The following TBC1D9B variants were observed in gnomAD, a reference collection of about 807,000 sequenced individuals.
The protein encoded by TBC1D9B is TBC1 domain family, member 9B (with GRAM domain).
In TBC1D9B, 87 loss-of-function variants were observed where a neutral mutation model predicts 121.1. The ratio of observed to expected loss-of-function variants is 0.72; its 90% CI spans 0.60 to 0.86. The LOEUF is 0.86. TBC1D9B is among the 40% of genes least tolerant of loss of function. The pLI is 0.00. For synonymous variants in TBC1D9B, 668 were observed against 670.1 expected (o/e 1.00, Z 0.05); for missense variants, 1,540 against 1,628.6 (o/e 0.95, Z 0.94).
At chr5:179,906,267 C>G (rs545303677) in intron 1 of TBC1D9B, among the ~76,000 whole-genome samples, 27 of 152,288 alleles carry the variant, frequency 1.8e-4, no homozygotes, top group Non-Finnish European at 8.8e-5. Flanking sequence ...CACACCAAAC[C>G]TAGCAGTGGG....
chr5:179,878,694 G>C (rs1255630924), intron 9 of TBC1D9B, among the ~76,000 whole-genome samples, 171 bp from the exon 10 acceptor site: 1 of 152,176 alleles, frequency 6.6e-6, no homozygotes, highest in African/African-American at 2.4e-5. Context: ...TGCTCTACCC[G>C]AAAGTTCAAG....
chr5:179,907,717 G>A lies in TBC1D9B; in HGVS notation c.105C>T (p.Gly35=). ...CGCGCCTCTCACCCGTAAGGCCGCC[G>A]CCCCTGCCGTGGCCCCGGCGTCGCT... is the stretch of plus-strand genomic sequence containing the variant. ...VLQRRRGHGR[G]GGLTGLLVGT... is the part of the protein sequence containing the mutation. The change falls in exon 1 of 21, where the codon GGC becomes GGT. Residue 35 remains glycine, a synonymous_variant. Coordinates refer to ENST00000355235, the MANE Select transcript of TBC1D9B (RefSeq NM_015043.4). The surrounding 1 kb of genome is among the most constrained non-coding windows in gnomAD (Gnocchi z 5.3). 6 of 1,172,290 alleles carry A rather than the reference G, an allele frequency of 5.1e-6. No homozygotes were observed. Among genetic ancestry groups the A allele is most frequent in the South Asian group, 3.2e-5 (2 of 62,930 alleles). 72.6% of individuals were successfully genotyped at this position (1,172,290 alleles called of 1,614,324 possible). A position where few individuals can be genotyped will look rare whatever the true frequency, so the allele number is the denominator to read the frequency against.
chr5:179,889,352 G>T lies in TBC1D9B; in HGVS notation c.1045-1040C>A, dbSNP rs1284334093. Among the ~76,000 whole-genome samples the T allele has an allele frequency of 2.6e-5, 4 of 152,254 alleles. No homozygotes were observed. The East Asian group carries it at 7.7e-4, about 29-fold the overall frequency. On this transcript the variant is annotated intron_variant, in intron 6 of 20. Transcript: ENST00000355235. ...CTGAGTGTGCACTTTTTATGTCTGT[G>T]TGTGAACATATCCATGGGGTGTGCC... is the stretch of plus-strand genomic sequence containing the variant.
intron 8 of TBC1D9B, 78 bp downstream of exon 8, chr5:179,879,550 G>C: frequency 1.2e-6 from 2 of 1,607,294 alleles, no homozygotes; most frequent in Non-Finnish European, 1.7e-6. Flanking sequence ...GGAAGGCCCA[G>C]GCCCAGGACT....
intron 10 of TBC1D9B, among the ~76,000 whole-genome samples, chr5:179,878,034 TG>T (rs1162354404): frequency 1.8e-4 from 27 of 152,328 alleles, no homozygotes; most frequent in African/African-American, 5.3e-4. Flanking sequence ...ACAGTGAAGA[TG>T]GGACATTTTA....
chr5:179,873,118 C>G lies in TBC1D9B; in HGVS notation c.2316+1G>C. The G allele has an allele frequency of 6.2e-7, 1 of 1,610,880 alleles. No homozygotes were observed. ...CCAAAATGGCCCCACTGGGTGCTGA[C>G]CTCATAGGACACTTTCAGGAGCTCA... On this transcript the variant is annotated splice_donor_variant, in intron 13 of 20. Transcript: ENST00000355235. LOFTEE classifies it high-confidence loss of function.
chr5:179,891,549 C>G lies in TBC1D9B; in HGVS notation c.874G>C (p.Ala292Pro). 6.2e-7 allele frequency: 1 copy of G among 1,613,814 alleles called. No homozygotes were observed. The highest frequency in any genetic ancestry group is 8.5e-7 in the Non-Finnish European group (1 of 1,179,982). The change falls in exon 6 of 21, where the codon GCC becomes CCC. Residue 292 changes from alanine to proline, a missense_variant. Physicochemically the swap from Ala to Pro is conservative, Grantham distance 27. Coordinates refer to ENST00000355235, the MANE Select transcript of TBC1D9B (RefSeq NM_015043.4). The surrounding 1 kb of genome is among the most constrained non-coding windows in gnomAD (Gnocchi z 4.3). ...TCATCCCTGGGCAGCCGGAACGTGG[C>G]TCGGTAGCACTCATTCTTGGCTCGG... The part of the protein sequence containing the change: ...DARAKNECYR[A>P]TFRLPRDERL...
rs781218303 is a variant in TBC1D9B, at chr5:179,874,884, A to C, written c.2186+18T>G. 3.1e-6 allele frequency: 5 copies of C among 1,609,678 alleles called. No individual in the cohort carries two copies. The African/African-American group carries it at 6.7e-5, about 21-fold the overall frequency. ...TCTGCTGTGAGCCCCCAGCAGGAGA[A>C]GGAACCCGGCATGTCACCTGCCCAG... On this transcript the variant is annotated intron_variant, in intron 12 of 20. Coordinates refer to ENST00000355235, the MANE Select transcript of TBC1D9B (RefSeq NM_015043.4). The surrounding 1 kb of genome is among the most constrained non-coding windows in gnomAD (Gnocchi z 4.3).
rs1454217089 is a variant in TBC1D9B at position 179,874,008 on chromosome 5, C to T, written c.2187-760G>A. Among the ~76,000 whole-genome samples, 2 of 152,204 alleles carry T rather than the reference C, an allele frequency of 1.3e-5. No individual in the cohort carries two copies. ...CCACAGTAGGGAGGTGACAACCCTG[C>T]TGGATCTAGAGAGTCCCAGGCAGCA... On this transcript the variant is annotated intron_variant, in intron 12 of 20. Coordinates refer to ENST00000355235, the MANE Select transcript of TBC1D9B (RefSeq NM_015043.4). This position sits in a 1 kb window ranked among gnomAD's most constrained non-coding sequence, Gnocchi z 4.3.
chr5:179,894,207 C>T (rs183013499), intron 4 of TBC1D9B, among the ~76,000 whole-genome samples, 179 bp downstream of exon 4: 44 of 152,270 alleles, frequency 2.9e-4, no homozygotes, highest in African/African-American at 1.1e-3. Context: ...TGGTAAAAGT[C>T]GGCTGGGAGC....
Position 179,904,695 on chromosome 5 carries a change from C to A in TBC1D9B, c.229+7G>T. On this transcript the variant is annotated splice_region_variant and intron_variant, in intron 2 of 20. Coordinates refer to ENST00000355235, the MANE Select transcript of TBC1D9B (RefSeq NM_015043.4). The surrounding 1 kb of genome is among the most constrained non-coding windows in gnomAD (Gnocchi z 4.2). ...GCCCAGCACCCCTCACCACTCAGGG[C>A]ACCTACCACACGCCACTGTCCAGTA... 2 of 1,559,474 alleles carry A rather than the reference C, an allele frequency of 1.3e-6. No homozygotes were observed. The highest frequency in any genetic ancestry group is 1.4e-5 in the African/African-American group (1 of 73,690).
Position 179,874,765 on chromosome 5 carries a change from A to T in TBC1D9B, c.2186+137T>A, listed in dbSNP as rs1760310459. The T allele has an allele frequency of 7.8e-7, 1 of 1,287,488 alleles. No individual in the cohort carries two copies. Among genetic ancestry groups the T allele is most frequent in the African/African-American group, 1.5e-5 (1 of 67,240 alleles). The allele number at this position is 1,287,488 out of a possible 1,614,324, so 79.8% of individuals were successfully genotyped here. On this transcript the variant is annotated intron_variant, in intron 12 of 20. Coordinates refer to ENST00000355235, the MANE Select transcript of TBC1D9B (RefSeq NM_015043.4). This position sits in a 1 kb window ranked among gnomAD's most constrained non-coding sequence, Gnocchi z 4.3. ...CCCACTAGAAAGGAGCCGCCTCCTGACCCCAGAGCACCCCCGGGTCCAGCT... is the reference window on the plus strand; with the variant it reads ...CCCACTAGAAAGGAGCCGCCTCCTGTCCCCAGAGCACCCCCGGGTCCAGCT...
In TBC1D9B at chr5:179,892,767, G is replaced by A. The variant is rs1198232015; in HGVS notation, c.836+442C>T. On this transcript the variant is annotated intron_variant, in intron 5 of 20. Coordinates refer to ENST00000355235, the MANE Select transcript of TBC1D9B (RefSeq NM_015043.4). ...GGAGAGCTGTCAATCACGGTGGGAC[G>A]GAGGCCGTGCACTTGAGCCCAGATT... Among the ~76,000 whole-genome samples, 7 of 152,192 alleles carry A rather than the reference G, an allele frequency of 4.6e-5. 1 individual carries two copies. Among genetic ancestry groups the A allele is most frequent in the Admixed American group, 6.5e-5 (1 of 15,280 alleles).
Position 179,867,895 on chromosome 5 carries a change from G to A in TBC1D9B, c.2792-46C>T, listed in dbSNP as rs368661190. The A allele has an allele frequency of 2.3e-4, 345 of 1,490,358 alleles. No individual in the cohort carries two copies. The African/African-American group carries it at 4.3e-3, about 18-fold the overall frequency. The allele number at this position is 1,490,358 out of a possible 1,614,324, so 92.3% of individuals were successfully genotyped here. ...GAGTGAGGGCAGGAGGAAACAAGGA[G>A]ATCCTCTCAGAGTAAGTTCCCTCCA... is the stretch of plus-strand genomic sequence containing the variant. On this transcript the variant is annotated intron_variant, in intron 17 of 20. Coordinates refer to ENST00000355235, the MANE Select transcript of TBC1D9B (RefSeq NM_015043.4).
chr5:179,897,081 G>C (rs1396381424), intron 3 of TBC1D9B, among the ~76,000 whole-genome samples: 1 of 151,022 alleles, frequency 6.6e-6, no homozygotes. Flanking sequence ...TAATTTTTTT[G>C]TATTTTTAGT....
At chr5:179,893,826 G>A (rs1351358372) in intron 4 of TBC1D9B, among the ~76,000 whole-genome samples, 1 of 152,186 alleles carries the variant, frequency 6.6e-6, no homozygotes, top group Non-Finnish European at 1.5e-5. Context: ...ACAGGACACA[G>A]CCCCTGCTGA....
At chr5:179,889,717 T>A (rs248220) in intron 6 of TBC1D9B, among the ~76,000 whole-genome samples, 81,343 of 150,348 alleles carry the variant, frequency 0.54, 23,507 homozygotes, top group East Asian at 0.76. Flanking sequence ...GTTAAAAATT[T>A]AAAAAAAACA....
intron 17 of TBC1D9B, 23 bp downstream of exon 17, chr5:179,869,746 G>T (rs1760131392): frequency 8.1e-6 from 13 of 1,611,650 alleles, no homozygotes; most frequent in Non-Finnish European, 1.0e-5. Context: ...ACCCTGGCTG[G>T]GGAGTGGGCA....
At chr5:179,892,972 G>A (rs1176309432) in intron 5 of TBC1D9B, among the ~76,000 whole-genome samples, 1 of 152,208 alleles carries the variant, frequency 6.6e-6, no homozygotes, top group Non-Finnish European at 1.5e-5. Context: ...GAGGAATAAA[G>A]TGTGAAGAGC....
Sources: allele counts gnomAD v4.1 joint callset (sites outside exome capture counted in the v4.1 genomes callset), GRCh38; gene constraint gnomAD v4.1.1; non-coding constraint Gnocchi (gnomAD v3.1); transcripts MANE v1.5; gene names NCBI Gene and HGNC (gene_info 2026-07-23, HGNC 2026-07-21).